The following NAV2 variants were observed in gnomAD, a reference collection of about 807,000 sequenced individuals.
NAV2 encodes the protein helicase, APC down-regulated 1.
Under a neutral mutation model 223.2 loss-of-function variants are expected in NAV2, and 54 were observed. The observed-to-expected ratio is 0.24, with a 90% CI of 0.19 to 0.30. The LOEUF (loss-of-function observed/expected upper bound fraction) is 0.30. Among genes scored for constraint, NAV2 ranks in the 10% least tolerant of loss-of-function variants. The pLI, the probability that NAV2 is intolerant of heterozygous loss-of-function variation, is 1.00. For missense variants in NAV2, 2,806 were observed against 3,147.5 expected, an observed-to-expected ratio of 0.89 and a Z score of 2.60; for synonymous variants, 1,279 against 1,239.3, an observed-to-expected ratio of 1.03 and a Z score of -0.67.
At chr11:19,670,109 C>T (rs1237717255) in intron 1 of NAV2, among the ~76,000 whole-genome samples, 3 of 152,204 alleles carry the variant, frequency 2.0e-5, no homozygotes, top group African/African-American at 7.2e-5. Context: ...GAGCCTCAGT[C>T]CCTCACATAT....
rs548961871 is a variant in NAV2, at chr11:19,901,983, G to A, written c.931+9389G>A. ...GACAAAGAGGTGCTCTGAGGGAGAA[G>A]TTGGCTCACCTTGCCCTAGCTGGAG... On this transcript the variant is annotated intron_variant, in intron 6 of 37. Coordinates refer to ENST00000349880, the MANE Select transcript of NAV2 (RefSeq NM_145117.5). Among the ~76,000 whole-genome samples, 3 of 152,310 alleles carry A rather than the reference G, an allele frequency of 2.0e-5. No homozygotes were observed. The South Asian group carries it at 6.2e-4, about 32-fold the overall frequency.
At chr11:20,056,602 T>C in intron 19 of NAV2, 2 of 1,613,900 alleles carry the variant, frequency 1.2e-6, no homozygotes, top group Non-Finnish European at 1.7e-6. Flanking sequence ...TCTCTTCCTT[T>C]GTTCCATCAC....
chr11:19,958,949 A>C (rs1274184730), intron 10 of NAV2, among the ~76,000 whole-genome samples: 3 of 152,204 alleles, frequency 2.0e-5, no homozygotes, highest in Admixed American at 2.0e-4. Flanking sequence ...GGCCAGGGGA[A>C]CAGATGCACA....
chr11:19,886,342 G>A (rs1186072829), intron 5 of NAV2, among the ~76,000 whole-genome samples: 1 of 152,186 alleles, frequency 6.6e-6, no homozygotes, highest in African/African-American at 2.4e-5. Context: ...CTGCCTGGCT[G>A]GCGAGGGGAG....
At position 20,119,767 on chromosome 11, in the gene NAV2, T is replaced by G. The variant is rs527748481; in HGVS notation, c.*1509T>G. 2.0e-5 allele frequency: 3 copies of G among 152,446 alleles called. No individual in the cohort carries two copies. The East Asian group carries it at 5.8e-4, about 29-fold the overall frequency. The allele number at this position is 152,446 out of a possible 1,614,324, so 9.4% of individuals were successfully genotyped here. On this transcript the variant is annotated 3_prime_UTR_variant, in exon 38 of 38. Coordinates refer to ENST00000349880, the MANE Select transcript of NAV2 (RefSeq NM_145117.5). ...TTCATTAGGAGAACTCAAGTTGCTG[T>G]GACTTTTCTCATCCAAAAGACTCAT...
chr11:19,747,650 A>G (rs4757012), intron 1 of NAV2, among the ~76,000 whole-genome samples: 80,342 of 152,034 alleles, frequency 0.53, 21,880 homozygotes, highest in Admixed American at 0.62. Context: ...AGGGGAGGCA[A>G]ATCTGCTTTT....
At chr11:19,638,937 G>A (rs955644522) in intron 1 of NAV2, among the ~76,000 whole-genome samples, 1 of 152,216 alleles carries the variant, frequency 6.6e-6, no homozygotes, top group Non-Finnish European at 1.5e-5. Flanking sequence ...AGGTTGCGGT[G>A]AGCTGAGATC....
At chr11:19,749,592 A>T (rs117529922) in intron 1 of NAV2, among the ~76,000 whole-genome samples, 2,261 of 152,266 alleles carry the variant, frequency 0.015, 19 homozygotes, top group Non-Finnish European at 0.024. Flanking sequence ...CTGACCCAAA[A>T]ATGTTAGGAC....
intron 4 of NAV2, among the ~76,000 whole-genome samples, chr11:19,870,258 C>G (rs1838052): frequency 2.0e-5 from 3 of 151,888 alleles, no homozygotes; most frequent in Admixed American, 1.3e-4. Context: ...TGCTGGGGGG[C>G]GGGGGTTTGC....
chr11:19,706,329 A>G (rs765633855), intron 1 of NAV2, among the ~76,000 whole-genome samples: 9 of 152,248 alleles, frequency 5.9e-5, no homozygotes, highest in Non-Finnish European at 1.3e-4. Context: ...AGAGTGGAAC[A>G]TACCTCTTAG....
At chr11:20,025,495 G>A (rs904305582) in intron 11 of NAV2, among the ~76,000 whole-genome samples, 13 of 152,164 alleles carry the variant, frequency 8.5e-5, no homozygotes, top group African/African-American at 2.4e-4. Flanking sequence ...CAGCAGACAC[G>A]CTGGTGCCTA....
intron 1 of NAV2, among the ~76,000 whole-genome samples, chr11:19,541,337 C>T (rs1466385567): frequency 5.3e-5 from 8 of 152,196 alleles, no homozygotes; most frequent in African/African-American, 1.9e-4. Flanking sequence ...AGGGAGAAGA[C>T]AAATTGTTCT....
At chr11:20,077,935 C>A in intron 23 of NAV2, 58 bp from the exon 24 acceptor site, 1 of 1,376,478 alleles carries the variant, frequency 7.3e-7, no homozygotes, top group South Asian at 1.2e-5. Flanking sequence ...AGTTGTACTT[C>A]AGTTGAACTC....
chr11:19,994,788 T>A (rs2051704540), intron 11 of NAV2, among the ~76,000 whole-genome samples: 1 of 152,152 alleles, frequency 6.6e-6, no homozygotes, highest in African/African-American at 2.4e-5. Flanking sequence ...ATAAATGTAT[T>A]TTCCCAGGGC....
chr11:19,552,854 C>T (rs1418983170), intron 1 of NAV2, among the ~76,000 whole-genome samples: 3 of 134,298 alleles, frequency 2.2e-5, no homozygotes, highest in Admixed American at 8.3e-5. Context: ...ACTTCTTTAG[C>T]GTTAACATTG....
chr11:19,434,887 T>C (rs1461500428), intron 1 of NAV2, among the ~76,000 whole-genome samples: 1 of 127,850 alleles, frequency 7.8e-6, no homozygotes, highest in Non-Finnish European at 1.6e-5. Context: ...TCAGCAAAGA[T>C]AAAAACAGCC....
chr11:20,047,216 G>T (rs1378774853), intron 14 of NAV2, among the ~76,000 whole-genome samples: 2 of 152,142 alleles, frequency 1.3e-5, no homozygotes, highest in African/African-American at 2.4e-5. Context: ...TAACTACAAA[G>T]GCATTTTACT....
At chr11:19,425,272 C>A (rs1383442055) in intron 1 of NAV2, among the ~76,000 whole-genome samples, 1 of 152,202 alleles carries the variant, frequency 6.6e-6, no homozygotes, top group Non-Finnish European at 1.5e-5. Flanking sequence ...AAATGTTATT[C>A]TTGGAGAAGA....
intron 1 of NAV2, among the ~76,000 whole-genome samples, chr11:19,696,969 C>T (rs1440995106): frequency 4.6e-5 from 7 of 152,172 alleles, no homozygotes; most frequent in Non-Finnish European, 8.8e-5. Flanking sequence ...GACAAGAAAA[C>T]TGAGGCATAG....
Sources: gnomAD v4.1 joint callset for allele counts (sites outside exome capture counted in the v4.1 genomes callset) on GRCh38, gnomAD v4.1.1 for gene constraint, MANE v1.5 for transcripts, NCBI Gene and HGNC (gene_info 2026-07-23, HGNC 2026-07-21) for gene names.